HIVEP3: variants seen among roughly 807,000 people sequenced by gnomAD.
HIVEP3 encodes HIVEP zinc finger 3.
HIVEP3 carries 49 observed loss-of-function variants against 152.8 expected under a neutral mutation model. That is an observed-to-expected ratio of 0.32 (90% CI 0.26 to 0.41). The LOEUF (loss-of-function observed/expected upper bound fraction) is 0.41. Among genes scored for constraint, HIVEP3 ranks in the 10% least tolerant of loss-of-function variants. The pLI, the probability that HIVEP3 is intolerant of heterozygous loss-of-function variation, is 1.00. For synonymous variants in HIVEP3, 1,269 were observed against 1,289.0 expected, an observed-to-expected ratio of 0.98 and a Z score of 0.33; for missense variants, 2,790 against 3,103.3, an observed-to-expected ratio of 0.90 and a Z score of 2.40.
intron 1 of HIVEP3, among the ~76,000 whole-genome samples, chr1:42,014,141 C>G (rs1645508239): frequency 6.6e-6 from 1 of 152,048 alleles, no homozygotes; most frequent in African/African-American, 2.4e-5. Flanking sequence ...TTGGCACTGC[C>G]AGGAAGCCAG....
In HIVEP3 at chr1:42,002,177, G is replaced by A. The variant is rs191931924; in HGVS notation, n.119+33630C>T. 2.6e-5 allele frequency among the ~76,000 whole-genome samples: 4 copies of A among 152,212 alleles called. 1 individual carries two copies. The highest frequency in any genetic ancestry group is 4.8e-5 in the African/African-American group (2 of 41,524). ...ATTAGCAACTGTCTGACAATGACTC[G>A]CTGACGCAGAGGACATCATACCAAG... On this transcript the variant is annotated intron_variant and non_coding_transcript_variant, in intron 1 of 3. Coordinates refer to the HIVEP3 transcript ENST00000489103.
chr1:41,772,760 A>G (rs1414572877), intron 1 of HIVEP3, among the ~76,000 whole-genome samples: 1 of 152,178 alleles, frequency 6.6e-6, no homozygotes, highest in Admixed American at 6.5e-5. Flanking sequence ...AAATACAAAA[A>G]TTACCCGGGT....
chr1:41,595,163 G>A (rs566931461), intron 3 of HIVEP3, among the ~76,000 whole-genome samples: 1 of 152,346 alleles, frequency 6.6e-6, no homozygotes, highest in African/African-American at 2.4e-5. Context: ...ATTTGGGGAA[G>A]CTGATGAAAT....
At chr1:41,720,205 C>T (rs533661141) in intron 1 of HIVEP3, among the ~76,000 whole-genome samples, 1 of 152,190 alleles carries the variant, frequency 6.6e-6, no homozygotes, top group Non-Finnish European at 1.5e-5. Flanking sequence ...AATTGGCATG[C>T]TAAACCTGAT....
chr1:41,536,125 G>A (rs1329181499), intron 5 of HIVEP3, among the ~76,000 whole-genome samples: 2 of 152,150 alleles, frequency 1.3e-5, no homozygotes, highest in Non-Finnish European at 2.9e-5. Context: ...GCAAGGTGAT[G>A]GAGGAGGTTG....
chr1:41,566,294 A>C (rs1041514858), intron 5 of HIVEP3, among the ~76,000 whole-genome samples: 12 of 152,092 alleles, frequency 7.9e-5, no homozygotes, highest in Non-Finnish European at 4.4e-5. Context: ...GGCTGAGAGA[A>C]TCCTCCCCAC....
At chr1:41,879,197 G>A (rs1281284312) in intron 1 of HIVEP3, among the ~76,000 whole-genome samples, 1 of 152,180 alleles carries the variant, frequency 6.6e-6, no homozygotes, top group Non-Finnish European at 1.5e-5. Context: ...GGACTTGCAG[G>A]ACCTGTTCCA....
chr1:41,513,877 A>C (rs1364620735), intron 7 of HIVEP3, 127 bp from the exon 8 acceptor site: 6 of 701,714 alleles, frequency 8.6e-6, no homozygotes, highest in Non-Finnish European at 1.3e-5. Flanking sequence ...GCAAGGGCAC[A>C]AGATTGTTGG....
chr1:41,727,626 G>C (rs898349949), intron 1 of HIVEP3, among the ~76,000 whole-genome samples: 4 of 152,242 alleles, frequency 2.6e-5, no homozygotes, highest in Non-Finnish European at 5.9e-5. Context: ...CCCGCAGACC[G>C]GTGTTTCCTC....
chr1:41,790,665 T>C (rs1476512814), intron 1 of HIVEP3, among the ~76,000 whole-genome samples: 2 of 152,164 alleles, frequency 1.3e-5, no homozygotes, highest in Admixed American at 6.5e-5. Flanking sequence ...TATGGGAGAA[T>C]CCTTACGTAG....
chr1:41,823,723 G>A (rs1237844221), intron 1 of HIVEP3, among the ~76,000 whole-genome samples: 3 of 152,130 alleles, frequency 2.0e-5, no homozygotes, highest in African/African-American at 7.2e-5. Context: ...CCTCTGGGGA[G>A]GGCAACAAAG....
chr1:41,842,578 C>T (rs967625923), intron 1 of HIVEP3, among the ~76,000 whole-genome samples: 9 of 152,136 alleles, frequency 5.9e-5, no homozygotes, highest in South Asian at 2.1e-4. Context: ...AAGAGCTCCA[C>T]GTGCCCCTGA....
chr1:41,751,747 G>A (rs926187601), intron 1 of HIVEP3, among the ~76,000 whole-genome samples: 35 of 152,202 alleles, frequency 2.3e-4, no homozygotes, highest in Non-Finnish European at 4.0e-4. Context: ...TGGCGAGGCA[G>A]GAGAGTGTCT....
At chr1:41,751,579 C>A (rs762455548) in intron 1 of HIVEP3, among the ~76,000 whole-genome samples, 1 of 152,110 alleles carries the variant, frequency 6.6e-6, no homozygotes, top group Non-Finnish European at 1.5e-5. Context: ...CATGAGGCCC[C>A]ACCTGCACCT....
intron 2 of HIVEP3, among the ~76,000 whole-genome samples, chr1:41,690,041 T>G (rs1187436526): frequency 6.6e-6 from 1 of 152,262 alleles, no homozygotes; most frequent in Non-Finnish European, 1.5e-5. Flanking sequence ...ATCTTAGATA[T>G]TTCCACATTT....
intron 1 of HIVEP3, among the ~76,000 whole-genome samples, chr1:41,910,079 T>C (rs946695294): frequency 3.4e-4 from 52 of 151,614 alleles, no homozygotes; most frequent in Admixed American, 2.1e-3. Context: ...TGGAAGAAAA[T>C]AATAAAAATT....
intron 1 of HIVEP3, among the ~76,000 whole-genome samples, chr1:42,004,580 G>C (rs1178327510): frequency 6.6e-6 from 1 of 152,140 alleles, no homozygotes; most frequent in Non-Finnish European, 1.5e-5. Context: ...CATACTGTAT[G>C]ATCACATGAA....
chr1:41,994,281 T>C (rs114332877), intron 1 of HIVEP3, among the ~76,000 whole-genome samples: 1 of 141,212 alleles, frequency 7.1e-6, no homozygotes, highest in Non-Finnish European at 1.5e-5. Context: ...AAAAAAAAAA[T>C]ACCCGAGCAG....
At chr1:41,992,572 C>T (rs1372204053) in intron 1 of HIVEP3, among the ~76,000 whole-genome samples, 1 of 148,838 alleles carries the variant, frequency 6.7e-6, no homozygotes, top group Non-Finnish European at 1.5e-5. Context: ...GACCATACTG[C>T]CCAAGGTAAT....
Sources: allele counts gnomAD v4.1 joint callset (sites outside exome capture counted in the v4.1 genomes callset), GRCh38; gene constraint gnomAD v4.1.1; transcripts MANE v1.5; gene names NCBI Gene and HGNC (gene_info 2026-07-23, HGNC 2026-07-21).